The following GAREM1 variants were observed in gnomAD, a reference collection of about 807,000 sequenced individuals.
GAREM1 encodes GRB2-associated and regulator of MAPK protein 1.
Under a neutral mutation model 71.3 loss-of-function variants are expected in GAREM1, and 26 were observed. The ratio of observed to expected loss-of-function variants is 0.36; its 90% CI spans 0.27 to 0.51. GAREM1 has a LOEUF of 0.51. Among genes scored for constraint, GAREM1 ranks in the 20% least tolerant of loss-of-function variants. The pLI is 0.95. For synonymous variants in GAREM1, 440 were observed against 433.2 expected, an observed-to-expected ratio of 1.02 and a Z score of -0.20; for missense variants, 1,026 against 1,103.1, an observed-to-expected ratio of 0.93 and a Z score of 0.99.
intron 1 of GAREM1, among the ~76,000 whole-genome samples, chr18:32,406,221 G>T (rs577776238): frequency 3.1e-4 from 47 of 151,964 alleles, no homozygotes; most frequent in African/African-American, 1.1e-3. Flanking sequence ...GTAGAGACGG[G>T]GTTTCACCAT....
chr18:32,451,953 G>A (rs1435096517), intron 1 of GAREM1, among the ~76,000 whole-genome samples: 1 of 152,138 alleles, frequency 6.6e-6, no homozygotes, highest in Non-Finnish European at 1.5e-5. Flanking sequence ...GTAAAATACT[G>A]AAATCGGTGA....
chr18:32,269,096 CCATGATT>C (rs1366269096), intron 5 of GAREM1, among the ~76,000 whole-genome samples: 1 of 151,948 alleles, frequency 6.6e-6, no homozygotes, highest in African/African-American at 2.4e-5. Context: ...CCAACAGGTG[CCATGATT>C]GATGAATGAT....
At chr18:32,300,797 T>C (rs2047192082) in intron 3 of GAREM1, among the ~76,000 whole-genome samples, 1 of 150,448 alleles carries the variant, frequency 6.6e-6, no homozygotes, top group Non-Finnish European at 1.5e-5. Context: ...TCCCAGCTAC[T>C]TGGGAGGCTG....
intron 2 of GAREM1, among the ~76,000 whole-genome samples, chr18:32,384,737 T>C (rs2048129491): frequency 6.6e-6 from 1 of 152,216 alleles, no homozygotes; most frequent in Non-Finnish European, 1.5e-5. Context: ...TCCATTCATA[T>C]TCAAATTTCC....
intron 2 of GAREM1, among the ~76,000 whole-genome samples, chr18:32,370,196 G>T (rs2144625006): frequency 6.6e-6 from 1 of 152,254 alleles, no homozygotes; most frequent in African/African-American, 2.4e-5. Flanking sequence ...ACTTTGGGGG[G>T]CCGAGGCCGG....
At chr18:32,363,023 A>G (rs1290703909) in intron 2 of GAREM1, among the ~76,000 whole-genome samples, 1 of 152,186 alleles carries the variant, frequency 6.6e-6, no homozygotes, top group Non-Finnish European at 1.5e-5. Flanking sequence ...AATTGGGGTA[A>G]ACTAAAATTG....
At chr18:32,455,013 T>G (rs746772972) in intron 1 of GAREM1, among the ~76,000 whole-genome samples, 7 of 151,978 alleles carry the variant, frequency 4.6e-5, no homozygotes, top group Non-Finnish European at 7.4e-5. Flanking sequence ...AGGGAAGGAA[T>G]AAAACTTTTA....
At chr18:32,324,284 G>A (rs2047455388) in intron 2 of GAREM1, among the ~76,000 whole-genome samples, 1 of 152,180 alleles carries the variant, frequency 6.6e-6, no homozygotes, top group Non-Finnish European at 1.5e-5. Context: ...TGTGAGGAGG[G>A]TGAAGAAAAC....
chr18:32,347,909 T>C (rs1273548900), intron 2 of GAREM1, among the ~76,000 whole-genome samples: 1 of 152,178 alleles, frequency 6.6e-6, no homozygotes, highest in African/African-American at 2.4e-5. Flanking sequence ...ACTCTTGAAA[T>C]TCTAGAGAAT....
intron 1 of GAREM1, among the ~76,000 whole-genome samples, chr18:32,456,897 A>G (rs1027491841): frequency 4.6e-5 from 7 of 152,170 alleles, no homozygotes; most frequent in African/African-American, 1.7e-4. Context: ...AAAGATTCCC[A>G]TAAGTGATAT....
chr18:32,436,049 A>T (rs187017284), intron 1 of GAREM1, among the ~76,000 whole-genome samples: 1 of 152,166 alleles, frequency 6.6e-6, no homozygotes, highest in Non-Finnish European at 1.5e-5. Flanking sequence ...CCTCTGATAA[A>T]GGGCAAAACT....
At chr18:32,371,342 AC>A (rs1405097422) in intron 2 of GAREM1, among the ~76,000 whole-genome samples, 2 of 152,210 alleles carry the variant, frequency 1.3e-5, no homozygotes, top group Non-Finnish European at 2.9e-5. Context: ...GTTTTTAAAT[AC>A]CGAGGATTTA....
At chr18:32,435,612 A>T (rs919091973) in intron 1 of GAREM1, among the ~76,000 whole-genome samples, 3 of 152,188 alleles carry the variant, frequency 2.0e-5, no homozygotes, top group Non-Finnish European at 4.4e-5. Context: ...GTAGAGGTGT[A>T]ACAATAACAA....
At chr18:32,329,179 T>C (rs997684906) in intron 2 of GAREM1, among the ~76,000 whole-genome samples, 1 of 152,074 alleles carries the variant, frequency 6.6e-6, no homozygotes, top group African/African-American at 2.4e-5. Context: ...TAGACCAGCT[T>C]GGGCAACACA....
At chr18:32,444,782 T>C (rs2048771005) in intron 1 of GAREM1, among the ~76,000 whole-genome samples, 1 of 152,126 alleles carries the variant, frequency 6.6e-6, no homozygotes, top group Non-Finnish European at 1.5e-5. Context: ...CCTTTTCCTA[T>C]GGGCTGGTTC....
At chr18:32,407,651 C>A (rs183101739) in intron 1 of GAREM1, among the ~76,000 whole-genome samples, 25 of 152,248 alleles carry the variant, frequency 1.6e-4, no homozygotes, top group Admixed American at 3.3e-4. Context: ...ATGTGCCCTT[C>A]TCTTCCCTCT....
intron 1 of GAREM1, among the ~76,000 whole-genome samples, chr18:32,396,694 A>G (rs1024912661): frequency 1.3e-5 from 2 of 152,232 alleles, no homozygotes; most frequent in Non-Finnish European, 2.9e-5. Flanking sequence ...TGTACCTGAA[A>G]GTGACAGGGA....
intron 3 of GAREM1, among the ~76,000 whole-genome samples, chr18:32,289,310 T>G (rs1315560572): frequency 6.6e-6 from 1 of 152,088 alleles, no homozygotes; most frequent in African/African-American, 2.4e-5. Context: ...TTATACTTAT[T>G]TATACTTTTA....
chr18:32,465,066 A>G (rs1386495749), intron 1 of GAREM1, among the ~76,000 whole-genome samples: 1 of 152,212 alleles, frequency 6.6e-6, no homozygotes, highest in Non-Finnish European at 1.5e-5. Context: ...TGACTATGAA[A>G]TGGCAGTACC....
Sources: allele counts gnomAD v4.1 joint callset (sites outside exome capture counted in the v4.1 genomes callset), GRCh38; gene constraint gnomAD v4.1.1; transcripts MANE v1.5; gene names NCBI Gene and HGNC (gene_info 2026-07-23, HGNC 2026-07-21).